The following SYNJ2 variants were observed in gnomAD, a reference collection of about 807,000 sequenced individuals.
SYNJ2 encodes the protein synaptojanin 2.
Under a neutral mutation model 141.3 loss-of-function variants are expected in SYNJ2, and 116 were observed. The observed-to-expected ratio is 0.82, with a 90% confidence interval of 0.71 to 0.96. The LOEUF (loss-of-function observed/expected upper bound fraction) is 0.96, where lower values mean the gene tolerates loss of function less well. Ranked by LOEUF, SYNJ2 falls within the 40% of genes least tolerant of loss-of-function variation. SYNJ2 has a pLI of 0.00. For missense variants in SYNJ2, 1,873 were observed against 1,934.8 expected, an observed-to-expected ratio of 0.97 and a Z score of 0.60; for synonymous variants, 745 against 777.7, an observed-to-expected ratio of 0.96 and a Z score of 0.70.
intron 1 of SYNJ2, among the ~76,000 whole-genome samples, chr6:158,002,537 C>G (rs1255100999): frequency 6.6e-6 from 1 of 152,206 alleles, no homozygotes; most frequent in Non-Finnish European, 1.5e-5. Context: ...GGATCAGAAC[C>G]TGCAGCCGCA....
chr6:158,093,444 AAAAAAC>A (rs1783596799), intron 26 of SYNJ2, among the ~76,000 whole-genome samples: 1 of 149,764 alleles, frequency 6.7e-6, no homozygotes, highest in African/African-American at 2.5e-5. Flanking sequence ...TCAAAAAAAA[AAAAAAC>A]AAAAAAAAAA....
intron 9 of SYNJ2, 80 bp from the exon 10 acceptor site, chr6:158,064,521 G>A (rs981396178): frequency 8.1e-5 from 126 of 1,553,468 alleles, no homozygotes; most frequent in African/African-American, 4.2e-4. Context: ...ACAGGCTGCC[G>A]AATAAGGAAC....
intron 26 of SYNJ2, 74 bp from the exon 27 acceptor site, chr6:158,095,544 C>T: frequency 6.7e-7 from 1 of 1,498,668 alleles, no homozygotes; most frequent in South Asian, 1.3e-5. Flanking sequence ...TCTCTGCTGG[C>T]CACTCTGTTC....
intron 1 of SYNJ2, among the ~76,000 whole-genome samples, chr6:158,014,842 G>C (rs1047739206): frequency 6.6e-6 from 1 of 152,244 alleles, no homozygotes; most frequent in African/African-American, 2.4e-5. Flanking sequence ...CTCTAGGGCT[G>C]CCAGCACCCA....
intron 1 of SYNJ2, among the ~76,000 whole-genome samples, chr6:158,003,528 G>A (rs756500120): frequency 1.3e-5 from 2 of 152,162 alleles, no homozygotes; most frequent in African/African-American, 2.4e-5. Flanking sequence ...CAAGAAGATG[G>A]TTTCATGTCA....
intron 20 of SYNJ2, among the ~76,000 whole-genome samples, chr6:158,082,061 G>A (rs2025183): frequency 0.096 from 14,611 of 152,154 alleles, 763 homozygotes; most frequent in Non-Finnish European, 0.11. Context: ...AAAATAGGGC[G>A]GAAGGGTGGG....
chr6:158,026,775 T>C (rs1583345385), intron 2 of SYNJ2: 1 of 970,016 alleles, frequency 1.0e-6, no homozygotes, highest in South Asian at 4.8e-5. Context: ...GCCATCCTCC[T>C]GCCTCTCCGA....
rs1783864185 is a variant in SYNJ2 at position 158,097,761 on chromosome 6, G to A, written c.*1397G>A. On this transcript the variant is annotated 3_prime_UTR_variant, in exon 27 of 27. Coordinates refer to ENST00000355585, the MANE Select transcript of SYNJ2 (RefSeq NM_003898.4). The stretch of plus-strand genomic sequence containing the variant: ...TTCATTGTCACTGTCAAGATATATT[G>A]CAGATTACTTAAATATGGCCATCAA... The A allele has an allele frequency of 1.3e-5, 2 of 151,782 alleles. No individual in the cohort carries two copies. Among genetic ancestry groups the A allele is most frequent in the African/African-American group, 4.8e-5 (2 of 41,290 alleles). 9.4% of individuals were successfully genotyped at this position (151,782 alleles called of 1,614,324 possible). A position where few individuals can be genotyped will look rare whatever the true frequency, so the allele number is the denominator to read the frequency against.
At chr6:158,054,089 C>T (rs958519789) in intron 5 of SYNJ2, among the ~76,000 whole-genome samples, 18 of 151,588 alleles carry the variant, frequency 1.2e-4, no homozygotes, top group African/African-American at 3.9e-4. Flanking sequence ...AGCCATCCAC[C>T]CATCCATTCA....
chr6:158,031,618 G>GCT (rs1779366850), intron 3 of SYNJ2, among the ~76,000 whole-genome samples: 1 of 129,262 alleles, frequency 7.7e-6, no homozygotes, highest in South Asian at 2.3e-4. Context: ...TTGTGGCGCA[G>GCT]CGTGAGGTCT....
chr6:158,064,970 C>T lies in SYNJ2; in HGVS notation c.1504C>T (p.Leu502=), dbSNP rs1781473266. ...GGTGGCAGACAAAGGGGGCATGCTG[C>T]TGGACAGCACGGCGCTCCTGGGTAG... ...EEVADKGGML[L]DSTALLVTPR... Residue 502 remains leucine (L), a synonymous_variant, in exon 11 of 27, where the codon CTG becomes TTG. Transcript: ENST00000355585. 1.9e-6 allele frequency: 3 copies of T among 1,597,402 alleles called. No homozygotes were observed. The highest frequency in any genetic ancestry group is 2.7e-5 in the African/African-American group (2 of 74,828).
chr6:158,043,130 C>T lies in SYNJ2; in HGVS notation c.712-186C>T, dbSNP rs1260939242. On this transcript the variant is annotated intron_variant, in intron 4 of 26. Coordinates refer to ENST00000355585, the MANE Select transcript of SYNJ2 (RefSeq NM_003898.4). This position sits in a 1 kb window ranked among gnomAD's most constrained non-coding sequence, Gnocchi z 4.0. ...CAGAGGCTGGTCGACAGCCAGCATG[C>T]CCGCCCAGTACCTGGCGAGAGGTCA... Among the ~76,000 whole-genome samples the T allele has an allele frequency of 6.6e-6, 1 of 152,180 alleles. No homozygotes were observed. The highest frequency in any genetic ancestry group is 2.4e-5 in the African/African-American group (1 of 41,442).
rs981407227 is a variant in SYNJ2 at position 158,059,493 on chromosome 6, C to T, written c.954+140C>T. ...GTTTCCTGAGGCTTCCCCAGCATTC[C>T]GACCAGTGAACACGGCAGTGCTCAG... On this transcript the variant is annotated intron_variant, in intron 7 of 26. Transcript: ENST00000355585. 1.1e-5 allele frequency: 16 copies of T among 1,467,866 alleles called. No homozygotes were observed. The East Asian group carries it at 1.8e-4, about 16-fold the overall frequency. 90.9% of individuals were successfully genotyped at this position (1,467,866 alleles called of 1,614,324 possible). A position where few individuals can be genotyped will look rare whatever the true frequency, so the allele number is the denominator to read the frequency against.
intron 21 of SYNJ2, 69 bp downstream of exon 21, chr6:158,083,666 C>T (rs927300892): frequency 1.9e-6 from 3 of 1,580,274 alleles, no homozygotes; most frequent in African/African-American, 2.7e-5. Flanking sequence ...TTTAAGGACA[C>T]CTTCTAAAGC....
intron 2 of SYNJ2, among the ~76,000 whole-genome samples, chr6:158,020,254 TCTGA>T (rs532066438): frequency 7.4e-4 from 105 of 141,292 alleles, no homozygotes; most frequent in African/African-American, 3.0e-3. Flanking sequence ...CCTGCGTGAC[TCTGA>T]CTGTGTGACC....
chr6:158,087,156 C>T (rs1783103657), intron 23 of SYNJ2, among the ~76,000 whole-genome samples, 167 bp downstream of exon 23: 2 of 152,194 alleles, frequency 1.3e-5, no homozygotes, highest in African/African-American at 2.4e-5. Context: ...ACACGTTTGA[C>T]GTCAGGGCTG....
intron 5 of SYNJ2, among the ~76,000 whole-genome samples, chr6:158,050,663 G>A (rs1412239184): frequency 6.6e-6 from 1 of 152,110 alleles, no homozygotes. Context: ...CTGATTCCAG[G>A]GCATGCCGTC....
chr6:158,036,150 G>A (rs570058733), intron 4 of SYNJ2, among the ~76,000 whole-genome samples: 3 of 152,220 alleles, frequency 2.0e-5, no homozygotes, highest in East Asian at 1.9e-4. Flanking sequence ...TTTGACTTGC[G>A]TGAATATTAT....
chr6:158,093,121 A>G lies in SYNJ2; in HGVS notation c.3744+17A>G, dbSNP rs763028067. The G allele has an allele frequency of 1.0e-5, 16 of 1,606,178 alleles. No homozygotes were observed. In the South Asian group the frequency reaches 1.7e-4, roughly 17 times the overall value. ...ACAGGAAAGGTAAAAGCCTGGTAAC[A>G]TAAAACCTCTTACTCCTAAGTTGCT... On this transcript the variant is annotated intron_variant, in intron 26 of 26. Transcript: ENST00000355585.
Sources: allele counts gnomAD v4.1 joint callset (sites outside exome capture counted in the v4.1 genomes callset), GRCh38; gene constraint gnomAD v4.1.1; non-coding constraint Gnocchi (gnomAD v3.1); transcripts MANE v1.5; gene names NCBI Gene and HGNC (gene_info 2026-07-23, HGNC 2026-07-21).